Variants in RTN4IP1 observed in about 807,000 individuals in gnomAD.
RTN4IP1 encodes the protein reticulon 4 interacting protein 1, also known as NAD(P)H oxidoreductase RTN4IP1, mitochondrial.
RTN4IP1 carries 32 observed loss-of-function variants against 46.6 expected under a neutral mutation model. The ratio of observed to expected loss-of-function variants is 0.69; its 90% CI spans 0.52 to 0.92. The LOEUF (loss-of-function observed/expected upper bound fraction) is 0.92. Ranked by LOEUF, RTN4IP1 falls within the 40% of genes least tolerant of loss-of-function variation. RTN4IP1 has a pLI of 0.00. For missense variants in RTN4IP1, 424 were observed against 485.8 expected, an observed-to-expected ratio of 0.87 and a Z score of 1.20; for synonymous variants, 167 against 161.8, an observed-to-expected ratio of 1.03 and a Z score of -0.24.
intron 8 of RTN4IP1, among the ~76,000 whole-genome samples, chr6:106,577,447 CAAAAAAAAAAAA>C (rs58921891): frequency 1.1e-3 from 63 of 55,410 alleles, no homozygotes; most frequent in Non-Finnish European, 1.7e-3. Context: ...GACCCTGTCT[CAAAAAAAAAAAA>C]AAAAAAAAAA....
intron 5 of RTN4IP1, among the ~76,000 whole-genome samples, chr6:106,595,664 A>T (rs1389073089): frequency 6.6e-6 from 1 of 151,848 alleles, no homozygotes; most frequent in Non-Finnish European, 1.5e-5. Flanking sequence ...CGCCCGGCTA[A>T]TTCTTGTATT....
intron 1 of RTN4IP1, among the ~76,000 whole-genome samples, chr6:106,627,320 T>C (rs889499961): frequency 1.4e-4 from 22 of 152,332 alleles, no homozygotes; most frequent in African/African-American, 4.8e-4. Flanking sequence ...CGGCATGAAT[T>C]ACGCATGTGC....
chr6:106,623,316 T>A (rs777112165), intron 1 of RTN4IP1, among the ~76,000 whole-genome samples: 25 of 151,850 alleles, frequency 1.6e-4, no homozygotes, highest in Non-Finnish European at 3.1e-4. Flanking sequence ...AACAGAAAAC[T>A]AAAGTGGGAG....
intron 5 of RTN4IP1, among the ~76,000 whole-genome samples, chr6:106,601,169 A>T (rs1189131303): frequency 1.3e-5 from 2 of 152,194 alleles, no homozygotes; most frequent in East Asian, 3.8e-4. Context: ...TCTAATAAAT[A>T]AAGATATTGA....
intron 2 of RTN4IP1, 97 bp from the exon 3 acceptor site, chr6:106,621,590 T>G: frequency 1.1e-6 from 1 of 942,342 alleles, no homozygotes; most frequent in Admixed American, 1.8e-5. Context: ...CCCTGTGCTG[T>G]GAAAAACACA....
Position 106,575,956 on chromosome 6 carries a change from C to CA in RTN4IP1, c.1084-3854dup, listed in dbSNP as rs537392250. Among the ~76,000 whole-genome samples, 10 of 152,236 alleles carry CA rather than the reference C, an allele frequency of 6.6e-5. No individual in the cohort carries two copies. In the East Asian group the frequency reaches 1.9e-3, roughly 29 times the overall value. On this transcript the variant is annotated intron_variant, in intron 8 of 8. Coordinates refer to ENST00000369063, the MANE Select transcript of RTN4IP1 (RefSeq NM_032730.5). The stretch of plus-strand genomic sequence containing the variant: ...TGTGTGAGGGGACACTGACAGGTGA[C>CA]AAACACCAAGGAAGACCTAAGGGCT...
At chr6:106,600,921 T>C (rs1242424001) in intron 5 of RTN4IP1, among the ~76,000 whole-genome samples, 1 of 152,134 alleles carries the variant, frequency 6.6e-6, no homozygotes, top group Non-Finnish European at 1.5e-5. Flanking sequence ...CTTAAATATA[T>C]GTTTTCATTT....
At chr6:106,610,532 G>C (rs1312659199) in intron 4 of RTN4IP1, among the ~76,000 whole-genome samples, 3 of 152,086 alleles carry the variant, frequency 2.0e-5, no homozygotes, top group African/African-American at 7.2e-5. Context: ...CTACACAGTG[G>C]GAATACTTTT....
Position 106,583,168 on chromosome 6 carries a change from C to A in RTN4IP1, c.1083+160G>T, listed in dbSNP as rs557698741. On this transcript the variant is annotated intron_variant, in intron 8 of 8. Transcript: ENST00000369063. ...GTCTATGCCTCCCATGGAGACAGAA[C>A]CAAAGACATAGCATGTAAACTTGGC... 2.1e-4 allele frequency among the ~76,000 whole-genome samples: 32 copies of A among 152,284 alleles called. 1 individual carries two copies. The South Asian group carries it at 6.4e-3, about 31-fold the overall frequency.
intron 8 of RTN4IP1, among the ~76,000 whole-genome samples, chr6:106,574,521 G>A (rs927201863): frequency 5.3e-5 from 8 of 151,994 alleles, no homozygotes; most frequent in Admixed American, 3.9e-4. Context: ...CCCCTGGGAT[G>A]CTGTTTTCAG....
chr6:106,581,183 T>A (rs1158045971), intron 8 of RTN4IP1, among the ~76,000 whole-genome samples: 1 of 152,222 alleles, frequency 6.6e-6, no homozygotes, highest in Non-Finnish European at 1.5e-5. Flanking sequence ...CTTCTTGAAA[T>A]AACTTTTTCC....
chr6:106,610,361 G>C (rs371045810), intron 4 of RTN4IP1, among the ~76,000 whole-genome samples: 3 of 152,232 alleles, frequency 2.0e-5, no homozygotes, highest in African/African-American at 7.2e-5. Flanking sequence ...ACCGCACCCG[G>C]CGGCAAAATA....
At chr6:106,602,975 G>C in intron 4 of RTN4IP1, 53 bp from the exon 5 acceptor site, 1 of 1,366,120 alleles carries the variant, frequency 7.3e-7, no homozygotes, top group Non-Finnish European at 1.0e-6. Context: ...GATATAACTG[G>C]ATAAACGTTT....
intron 6 of RTN4IP1, among the ~76,000 whole-genome samples, chr6:106,589,433 G>A (rs1019190758): frequency 6.6e-6 from 1 of 151,706 alleles, no homozygotes; most frequent in Non-Finnish European, 1.5e-5. Context: ...CTAAAAAAGT[G>A]TCTACTTCAT....
chr6:106,626,086 A>G (rs1776635172), intron 1 of RTN4IP1, among the ~76,000 whole-genome samples: 1 of 152,086 alleles, frequency 6.6e-6, no homozygotes, highest in Non-Finnish European at 1.5e-5. Context: ...GGTGAGGGGG[A>G]TGGGATCAGA....
chr6:106,572,829 A>G (rs967091899), intron 8 of RTN4IP1, among the ~76,000 whole-genome samples: 1 of 152,100 alleles, frequency 6.6e-6, no homozygotes, highest in Non-Finnish European at 1.5e-5. Flanking sequence ...TATCTACCCA[A>G]CCAGAGCATA....
intron 4 of RTN4IP1, 24 bp from the exon 5 acceptor site, chr6:106,602,946 T>C: frequency 6.3e-7 from 1 of 1,581,778 alleles, no homozygotes; most frequent in South Asian, 1.2e-5. Context: ...GAAACCACAA[T>C]TAACGAGAAT....
At chr6:106,582,928 T>A (rs1332081430) in intron 8 of RTN4IP1, among the ~76,000 whole-genome samples, 2 of 152,048 alleles carry the variant, frequency 1.3e-5, no homozygotes, top group Non-Finnish European at 2.9e-5. Context: ...GATGGACTAT[T>A]TATTTGCCCT....
intron 7 of RTN4IP1, 102 bp downstream of exon 7, chr6:106,587,577 G>T (rs181014061): frequency 9.5e-7 from 1 of 1,056,744 alleles, no homozygotes; most frequent in Non-Finnish European, 1.4e-6. Context: ...TGCAACCACC[G>T]TGCTATGCGG....
Sources: gnomAD v4.1 joint callset for allele counts (sites outside exome capture counted in the v4.1 genomes callset) on GRCh38, gnomAD v4.1.1 for gene constraint, MANE v1.5 for transcripts, NCBI Gene and HGNC (gene_info 2026-07-23, HGNC 2026-07-21) for gene names.